The following SRD5A2 variants were observed in gnomAD, a reference collection of about 807,000 sequenced individuals.
The protein encoded by SRD5A2 is steroid 5 alpha-reductase 2.
In SRD5A2, 30 loss-of-function variants were observed where a neutral mutation model predicts 27.4. The ratio of observed to expected loss-of-function variants is 1.10; its 90% CI spans 0.82 to 1.49. The LOEUF (loss-of-function observed/expected upper bound fraction) is 1.49. Ranked by LOEUF, SRD5A2 falls within the 40% of genes most tolerant of loss-of-function variation. The pLI, the probability that SRD5A2 is intolerant of heterozygous loss-of-function variation, is 0.00. For missense variants in SRD5A2, 348 were observed against 323.4 expected, an observed-to-expected ratio of 1.08 and a Z score of -0.58; for synonymous variants, 141 against 133.6, an observed-to-expected ratio of 1.06 and a Z score of -0.38.
chr2:31,573,661 C>T (rs1310609559), intron 1 of SRD5A2, among the ~76,000 whole-genome samples: 2 of 152,170 alleles, frequency 1.3e-5, no homozygotes, highest in African/African-American at 2.4e-5. Context: ...TGTCCCTCAC[C>T]CATTCCTCCT....
Position 31,531,537 on chromosome 2 carries a change from A to T in SRD5A2, c.446-65T>A, listed in dbSNP as rs1207220688. 5 of 1,071,680 alleles carry T rather than the reference A, an allele frequency of 4.7e-6. No individual in the cohort carries two copies. In the East Asian group the frequency reaches 1.3e-4, roughly 28 times the overall value. The allele number at this position is 1,071,680 out of a possible 1,614,324, so 66.4% of individuals were successfully genotyped here. A position where few individuals can be genotyped will look rare whatever the true frequency, so the allele number is the denominator to read the frequency against. On this transcript the variant is annotated intron_variant, in intron 2 of 4. Transcript: ENST00000622030. ...GTGTCCAGATTGTGGTGCTTTTTTCACAAACTAAGCTAAAATGAAAGGAGG... is the reference window on the plus strand; with the variant it reads ...GTGTCCAGATTGTGGTGCTTTTTTCTCAAACTAAGCTAAAATGAAAGGAGG...
At chr2:31,662,649 T>A in the SRD5A2 span, among the ~76,000 whole-genome samples, 1 of 152,134 alleles carries the variant, frequency 6.6e-6, no homozygotes, top group Non-Finnish European at 1.5e-5. Context: ...TCACCCTTAG[T>A]CCTGGGGAAA....
chr2:31,649,394 T>A, the SRD5A2 span, among the ~76,000 whole-genome samples: 1 of 152,168 alleles, frequency 6.6e-6, no homozygotes, highest in Non-Finnish European at 1.5e-5. Flanking sequence ...CAACACCCAC[T>A]GCCTTGTATA....
At chr2:31,532,856 T>C (rs1390957451) in intron 2 of SRD5A2, among the ~76,000 whole-genome samples, 1 of 151,692 alleles carries the variant, frequency 6.6e-6, no homozygotes, top group Non-Finnish European at 1.5e-5. Flanking sequence ...CCATTTTAGA[T>C]AGGGTGGTCA....
At chr2:31,596,854 T>C in the SRD5A2 span, among the ~76,000 whole-genome samples, 5 of 152,080 alleles carry the variant, frequency 3.3e-5, no homozygotes, top group Non-Finnish European at 7.4e-5. Context: ...GTGACACAAA[T>C]GAATGGAAAC....
At chr2:31,541,532 T>G (rs2366060) in intron 1 of SRD5A2, among the ~76,000 whole-genome samples, 152,284 of 152,292 alleles carry the variant, frequency 1, 76,138 homozygotes, top group Middle Eastern at 1. Flanking sequence ...ATGGCCAAAC[T>G]GAACCTTGCA....
At chr2:31,639,274 ATAT>A in the SRD5A2 span, among the ~76,000 whole-genome samples, 1 of 152,080 alleles carries the variant, frequency 6.6e-6, no homozygotes, top group African/African-American at 2.4e-5. Flanking sequence ...CTCAGTTTAC[ATAT>A]TATTATAGTA....
At chr2:31,655,416 A>G in the SRD5A2 span, among the ~76,000 whole-genome samples, 1 of 152,138 alleles carries the variant, frequency 6.6e-6, no homozygotes, top group Admixed American at 6.6e-5. Flanking sequence ...TGTGCTTCCT[A>G]ACTTACCTCC....
intron 1 of SRD5A2, among the ~76,000 whole-genome samples, chr2:31,547,074 G>A (rs760796247): frequency 6.6e-6 from 1 of 151,306 alleles, no homozygotes; most frequent in East Asian, 1.9e-4. Flanking sequence ...CTCCAGCCTG[G>A]GCAACAAGAG....
the SRD5A2 span, among the ~76,000 whole-genome samples, chr2:31,585,995 T>C: frequency 5.9e-5 from 9 of 152,278 alleles, no homozygotes; most frequent in South Asian, 1.2e-3. Flanking sequence ...GACTGTGTTT[T>C]GTGGTTTGAG....
chr2:31,603,189 G>A, the SRD5A2 span, among the ~76,000 whole-genome samples: 19 of 152,074 alleles, frequency 1.2e-4, no homozygotes, highest in East Asian at 1.9e-4. Context: ...CTAATATTCA[G>A]CATCTACAAT....
At chr2:31,554,924 CGT>C (rs59697517) in intron 1 of SRD5A2, among the ~76,000 whole-genome samples, 10,469 of 132,048 alleles carry the variant, frequency 0.079, 288 homozygotes, top group Admixed American at 0.096. Flanking sequence ...CTATCCTGAT[CGT>C]GTGTGTGTGT....
At chr2:31,591,608 A>G in the SRD5A2 span, among the ~76,000 whole-genome samples, 34 of 152,050 alleles carry the variant, frequency 2.2e-4, no homozygotes, top group South Asian at 6.9e-3. Flanking sequence ...AAGGATTACA[A>G]ATCATGCTGC....
intron 4 of SRD5A2, 127 bp downstream of exon 4, chr2:31,529,180 T>G: frequency 7.5e-7 from 1 of 1,324,972 alleles, no homozygotes; most frequent in East Asian, 2.5e-5. Flanking sequence ...CTAACCCAGA[T>G]TATAGTATCA....
the SRD5A2 span, among the ~76,000 whole-genome samples, chr2:31,650,422 G>A: frequency 6.6e-6 from 1 of 152,070 alleles, no homozygotes; most frequent in East Asian, 1.9e-4. Context: ...ATAGCTCCAG[G>A]AACCTCGAGA....
chr2:31,640,835 C>T, the SRD5A2 span, among the ~76,000 whole-genome samples: 10 of 151,880 alleles, frequency 6.6e-5, no homozygotes, highest in Non-Finnish European at 1.3e-4. Context: ...CTTTGGGGCA[C>T]TCATGATGCT....
chr2:31,637,438 T>C, the SRD5A2 span, among the ~76,000 whole-genome samples: 1 of 152,076 alleles, frequency 6.6e-6, no homozygotes, highest in Non-Finnish European at 1.5e-5. Context: ...TGTATTTTCA[T>C]AAGACATTCC....
the SRD5A2 span, among the ~76,000 whole-genome samples, chr2:31,637,018 A>C: frequency 6.6e-6 from 1 of 151,776 alleles, no homozygotes; most frequent in African/African-American, 2.4e-5. Context: ...CTTCTTTTCC[A>C]TTTTTTTGAA....
the SRD5A2 span, among the ~76,000 whole-genome samples, chr2:31,643,709 A>T: frequency 6.6e-6 from 1 of 152,182 alleles, no homozygotes; most frequent in Admixed American, 6.5e-5. Context: ...AGAATTATGT[A>T]AAAAAGATAC....
Sources: gnomAD v4.1 joint callset for allele counts (sites outside exome capture counted in the v4.1 genomes callset) on GRCh38, gnomAD v4.1.1 for gene constraint, MANE v1.5 for transcripts, NCBI Gene and HGNC (gene_info 2026-07-23, HGNC 2026-07-21) for gene names.